Variants in SNTB2 observed in about 807,000 individuals in gnomAD.
SNTB2 encodes beta-2-syntrophin.
SNTB2 carries 34 observed loss-of-function variants against 46.2 expected under a neutral mutation model. That is an observed-to-expected ratio of 0.74 (90% CI 0.56 to 0.98). The LOEUF (loss-of-function observed/expected upper bound fraction) is 0.98. SNTB2 is among the 50% of genes least tolerant of loss of function. SNTB2 has a pLI of 0.00. For synonymous variants in SNTB2, 290 were observed against 312.6 expected, an observed-to-expected ratio of 0.93 and a Z score of 0.76; for missense variants, 603 against 731.4, an observed-to-expected ratio of 0.82 and a Z score of 2.02.
In SNTB2 at chr16:69,242,923, A is replaced by G. The variant is rs189549579; in HGVS notation, c.581-2679A>G. On this transcript the variant is annotated intron_variant, in intron 1 of 6. Transcript: ENST00000336278. ...GTAGTCCCAGTTACTGGGGAGGCTAAGGCAGGAGAATGGCGTGAACCCAGG... is the reference window on the plus strand; with the variant it reads ...GTAGTCCCAGTTACTGGGGAGGCTAGGGCAGGAGAATGGCGTGAACCCAGG... Among the ~76,000 whole-genome samples the G allele has an allele frequency of 4.6e-5, 7 of 152,010 alleles. No individual in the cohort carries two copies. The East Asian group carries it at 1.4e-3, about 29-fold the overall frequency.
chr16:69,266,461 T>A (rs993904869), intron 3 of SNTB2, among the ~76,000 whole-genome samples: 1 of 151,774 alleles, frequency 6.6e-6, no homozygotes, highest in African/African-American at 2.4e-5. Context: ...CAATGGTAAG[T>A]AGAAGAGGGA....
intron 1 of SNTB2, among the ~76,000 whole-genome samples, chr16:69,216,771 A>G (rs531752732): frequency 5.5e-4 from 83 of 152,270 alleles, no homozygotes; most frequent in African/African-American, 1.9e-3. Flanking sequence ...GGGAAGCACA[A>G]TCTCTTCTAA....
At chr16:69,217,670 A>G (rs1964361835) in intron 1 of SNTB2, among the ~76,000 whole-genome samples, 1 of 152,166 alleles carries the variant, frequency 6.6e-6, no homozygotes, top group Non-Finnish European at 1.5e-5. Context: ...TGCTATCTTA[A>G]AAAAACAAAT....
intron 1 of SNTB2, among the ~76,000 whole-genome samples, chr16:69,238,786 A>G (rs1391782410): frequency 6.6e-6 from 1 of 151,984 alleles, no homozygotes; most frequent in Non-Finnish European, 1.5e-5. Context: ...CACCTCCACT[A>G]CTATTCCCCT....
At position 69,299,688 on chromosome 16, in the gene SNTB2, C is replaced by A. The variant is rs765791858; in HGVS notation, c.1444C>A (p.Arg482Ser). The A allele has an allele frequency of 2.5e-6, 4 of 1,614,108 alleles. No homozygotes were observed. The highest frequency in any genetic ancestry group is 3.4e-6 in the Non-Finnish European group (4 of 1,180,006). The stretch of plus-strand genomic sequence containing the variant: ...TGGAGGCTCCAGCAGCATATTGTAC[C>A]GCTACCCCTTTGAAAGGCTGAAGAT... ...ENGGSSSILYRYPFERLKMSA... is the reference protein window; with the variant it reads ...ENGGSSSILYSYPFERLKMSA... The change falls in exon 6 of 7, where the codon CGC (arginine) becomes AGC (serine). Residue 482 changes from arginine to serine, a missense_variant. Around this residue, in one of 2 missense-constraint regions of SNTB2, gnomAD observed 537 missense variants for 692.4 expected, o/e 0.78. Transcript: ENST00000336278.
chr16:69,236,130 T>C (rs1022562900), intron 1 of SNTB2, among the ~76,000 whole-genome samples: 15 of 152,218 alleles, frequency 9.9e-5, no homozygotes, highest in African/African-American at 3.1e-4. Context: ...GTGGTTATGC[T>C]TGAAATCTTT....
At position 69,259,978 on chromosome 16, in the gene SNTB2, A is replaced by G. The variant is rs955514555; in HGVS notation, c.795-72A>G. 58 of 1,018,960 alleles carry G rather than the reference A, an allele frequency of 5.7e-5. 1 individual carries two copies. Among genetic ancestry groups the G allele is most frequent in the Non-Finnish European group, 8.3e-5 (54 of 648,860 alleles). The allele number at this position is 1,018,960 out of a possible 1,614,324, so 63.1% of individuals were successfully genotyped here. A position where few individuals can be genotyped will look rare whatever the true frequency, so the allele number is the denominator to read the frequency against. ...GCAAAATTAAAATAGATTTGCAGTT[A>G]TGTATTTTAAACCTGGCAGGTTTGG... is the stretch of plus-strand genomic sequence containing the variant. On this transcript the variant is annotated intron_variant, in intron 2 of 6. Coordinates refer to ENST00000336278, the MANE Select transcript of SNTB2 (RefSeq NM_006750.4).
intron 4 of SNTB2, among the ~76,000 whole-genome samples, chr16:69,280,338 G>A (rs986524432): frequency 4.6e-5 from 7 of 151,942 alleles, no homozygotes; most frequent in African/African-American, 9.7e-5. Context: ...CCACAAAACC[G>A]CCATTGTCAT....
At chr16:69,242,894 G>A (rs12931963) in intron 1 of SNTB2, among the ~76,000 whole-genome samples, 10,139 of 152,072 alleles carry the variant, frequency 0.067, 452 homozygotes, top group Middle Eastern at 0.11. Flanking sequence ...GGTGGCGGGC[G>A]CCTGTAGTCC....
At chr16:69,300,095 G>T (rs1356107294) in intron 6 of SNTB2, among the ~76,000 whole-genome samples, 1 of 149,918 alleles carries the variant, frequency 6.7e-6, no homozygotes, top group African/African-American at 2.5e-5. Flanking sequence ...ATGAGGTCTC[G>T]CTTTGCTGCC....
intron 2 of SNTB2, among the ~76,000 whole-genome samples, chr16:69,258,615 T>G (rs1964802047): frequency 1.4e-5 from 2 of 143,284 alleles, no homozygotes; most frequent in Admixed American, 1.4e-4. Flanking sequence ...CTTTTTTTTT[T>G]TTTTTTTTTT....
Position 69,285,684 on chromosome 16 carries a change from C to A in SNTB2, c.1345+1440C>A, listed in dbSNP as rs28702507. On this transcript the variant is annotated intron_variant, in intron 5 of 6. Coordinates refer to ENST00000336278, the MANE Select transcript of SNTB2 (RefSeq NM_006750.4). Reference sequence around the variant, plus strand: ...TTTTTTTTTTTTAAGTAGAGATGGGCCTCGCTTTGTTGCCCAGGCTGGTCT... The same window carrying A: ...TTTTTTTTTTTTAAGTAGAGATGGGACTCGCTTTGTTGCCCAGGCTGGTCT... 1.6e-3 allele frequency among the ~76,000 whole-genome samples: 247 copies of A among 151,608 alleles called. 1 individual carries two copies. Among genetic ancestry groups the A allele is most frequent in the African/African-American group, 5.8e-3 (240 of 41,244 alleles).
intron 1 of SNTB2, among the ~76,000 whole-genome samples, chr16:69,211,169 T>A (rs1964282427): frequency 6.6e-6 from 1 of 151,886 alleles, no homozygotes; most frequent in Non-Finnish European, 1.5e-5. Context: ...CCAATAAATA[T>A]AAAATTGTTT....
At chr16:69,295,395 G>T (rs1358511681) in intron 5 of SNTB2, among the ~76,000 whole-genome samples, 2 of 151,474 alleles carry the variant, frequency 1.3e-5, no homozygotes, top group African/African-American at 4.9e-5. Flanking sequence ...GACTACAGGC[G>T]TCTGCCACCA....
rs1389098792 is a variant in SNTB2 at position 69,305,069 on chromosome 16, A to C, written c.*4145A>C. ...TGCTGTAAATGGTTTTGATGGGCGAAAGTGTGAGAAAAGGTTATAATAGAT... is the reference window on the plus strand; with the variant it reads ...TGCTGTAAATGGTTTTGATGGGCGACAGTGTGAGAAAAGGTTATAATAGAT... On this transcript the variant is annotated 3_prime_UTR_variant, in exon 7 of 7. Transcript: ENST00000336278. The C allele has an allele frequency of 6.6e-6, 1 of 152,162 alleles. No homozygotes were observed. The highest frequency in any genetic ancestry group is 2.4e-5 in the African/African-American group (1 of 41,442). The allele number at this position is 152,162 out of a possible 1,614,324, so 9.4% of individuals were successfully genotyped here.
chr16:69,295,066 C>A (rs1244573404), intron 5 of SNTB2, among the ~76,000 whole-genome samples: 1 of 151,958 alleles, frequency 6.6e-6, no homozygotes, highest in Non-Finnish European at 1.5e-5. Flanking sequence ...GGCAATCCAC[C>A]TGCCTCGGCC....
At position 69,187,400 on chromosome 16, in the gene SNTB2, C is replaced by G; in HGVS notation, c.234C>G (p.Gly78=). ...TCAACGGCCTCCCAAACGGCGGCGG[C>G]GCGGGCGACTCGCTGCCCGGGAGCC... is the stretch of plus-strand genomic sequence containing the variant. The part of the protein sequence containing the change: ...AAFNGLPNGG[G]AGDSLPGSPS... Residue 78 remains glycine, a synonymous_variant, in exon 1 of 7, where the codon GGC becomes GGG. Transcript: ENST00000336278. 1.6e-6 allele frequency: 2 copies of G among 1,270,216 alleles called. No individual in the cohort carries two copies. Among genetic ancestry groups the G allele is most frequent in the South Asian group, 5.2e-5 (2 of 38,264 alleles). 78.7% of individuals were successfully genotyped at this position (1,270,216 alleles called of 1,614,324 possible). A position where few individuals can be genotyped will look rare whatever the true frequency, so the allele number is the denominator to read the frequency against.
At chr16:69,197,085 C>CTT (rs1964113026) in intron 1 of SNTB2, among the ~76,000 whole-genome samples, 1 of 151,980 alleles carries the variant, frequency 6.6e-6, no homozygotes, top group African/African-American at 2.4e-5. Context: ...TAACTACACT[C>CTT]TGTTAGACAC....
chr16:69,294,692 C>T (rs1418216141), intron 5 of SNTB2, among the ~76,000 whole-genome samples: 1 of 152,084 alleles, frequency 6.6e-6, no homozygotes, highest in Admixed American at 6.6e-5. Context: ...GAGATCATGC[C>T]ACCACACTCC....
Sources: allele counts gnomAD v4.1 joint callset (sites outside exome capture counted in the v4.1 genomes callset), GRCh38; gene constraint gnomAD v4.1.1; regional missense constraint gnomAD v4.1.1; transcripts MANE v1.5; gene names NCBI Gene and HGNC (gene_info 2026-07-23, HGNC 2026-07-21).